Variants in RPF2 observed in about 807,000 individuals in gnomAD.
The protein encoded by RPF2 is brix domain containing 1.
In RPF2, 21 loss-of-function variants were observed where a neutral mutation model predicts 38.9. That is an observed-to-expected ratio of 0.54 (90% CI 0.38 to 0.78). RPF2 has a LOEUF of 0.78. RPF2 is among the 30% of genes least tolerant of loss of function. RPF2 has a pLI of 0.00. For missense variants in RPF2, 314 were observed against 358.1 expected, an observed-to-expected ratio of 0.88 and a Z score of 0.99; for synonymous variants, 121 against 126.2, an observed-to-expected ratio of 0.96 and a Z score of 0.28.
In RPF2 at chr6:111,027,024, C is replaced by A. The variant is rs1772343928; in HGVS notation, c.*1442C>A. The stretch of plus-strand genomic sequence containing the variant: ...TCCCGAGTAGCTGGGATTACAGGCA[C>A]CCACCACCACGCCTGGCTGATTTTT... On this transcript the variant is annotated 3_prime_UTR_variant, in exon 10 of 10. Coordinates refer to ENST00000441448, the MANE Select transcript of RPF2 (RefSeq NM_032194.3). The A allele has an allele frequency of 6.6e-6, 1 of 152,220 alleles. No individual in the cohort carries two copies. Among genetic ancestry groups the A allele is most frequent in the African/African-American group, 2.4e-5 (1 of 41,414 alleles). 9.4% of individuals were successfully genotyped at this position (152,220 alleles called of 1,614,324 possible).
At chr6:111,004,282 A>G (rs559634906) in intron 6 of RPF2, among the ~76,000 whole-genome samples, 1 of 152,058 alleles carries the variant, frequency 6.6e-6, no homozygotes, top group Non-Finnish European at 1.5e-5. Flanking sequence ...TCCTGGGTTC[A>G]CGCGATTCTC....
At chr6:111,018,081 C>T (rs943075154) in intron 8 of RPF2, among the ~76,000 whole-genome samples, 14 of 151,964 alleles carry the variant, frequency 9.2e-5, no homozygotes, top group Non-Finnish European at 1.6e-4. Flanking sequence ...GGCGTGGCGG[C>T]GCGCGCCTGC....
At position 111,001,626 on chromosome 6, in the gene RPF2, G is replaced by A. The variant is rs563498660; in HGVS notation, c.393+1839G>A. On this transcript the variant is annotated intron_variant, in intron 6 of 9. Transcript: ENST00000441448. ...TGGGCTCAGGAGATCCTCCTCCTCA[G>A]CCTCCCAAAGTGCTGGGGTACCCAG... 5.4e-4 allele frequency among the ~76,000 whole-genome samples: 82 copies of A among 152,130 alleles called. 3 individuals carry two copies. The South Asian group carries it at 0.016, about 30-fold the overall frequency.
At chr6:111,004,491 A>G (rs557995007) in intron 6 of RPF2, among the ~76,000 whole-genome samples, 2 of 150,934 alleles carry the variant, frequency 1.3e-5, no homozygotes, top group East Asian at 2.0e-4. Context: ...CGTGACTAGT[A>G]TTTTTAAAAA....
At chr6:111,024,049 T>G (rs9688686) in intron 8 of RPF2, 134 bp from the exon 9 acceptor site, 181,933 of 728,994 alleles carry the variant, frequency 0.25, 23,484 homozygotes, top group African/African-American at 0.4. Context: ...TGAATAGTAT[T>G]AAGTATTTAA....
At chr6:111,020,498 G>A (rs1308187841) in intron 8 of RPF2, among the ~76,000 whole-genome samples, 2 of 152,180 alleles carry the variant, frequency 1.3e-5, no homozygotes, top group African/African-American at 4.8e-5. Context: ...TTAGTGAAAA[G>A]GGTTTATTTG....
chr6:111,008,360 G>A (rs150274156), intron 7 of RPF2, among the ~76,000 whole-genome samples: 6 of 151,848 alleles, frequency 4.0e-5, no homozygotes, highest in South Asian at 2.1e-4. Context: ...TAGTATATGC[G>A]CTGCCGAAGC....
At chr6:111,005,910 C>T (rs1771899647) in intron 6 of RPF2, among the ~76,000 whole-genome samples, 2 of 152,168 alleles carry the variant, frequency 1.3e-5, no homozygotes, top group African/African-American at 2.4e-5. Context: ...CTCCTGGGTT[C>T]AAGCAATTTT....
intron 8 of RPF2, among the ~76,000 whole-genome samples, chr6:111,023,735 C>G (rs1772272375): frequency 6.6e-6 from 1 of 152,142 alleles, no homozygotes; most frequent in Admixed American, 6.5e-5. Context: ...TGCCTGTAAT[C>G]CCAGTACTTT....
At chr6:110,992,060 A>G (rs544068495) in intron 4 of RPF2, among the ~76,000 whole-genome samples, 1 of 152,218 alleles carries the variant, frequency 6.6e-6, no homozygotes, top group East Asian at 1.9e-4. Flanking sequence ...TAATCCTAGC[A>G]CTTTGGGAGG....
At chr6:110,984,407 T>G (rs1431971093) in intron 1 of RPF2, among the ~76,000 whole-genome samples, 1 of 152,038 alleles carries the variant, frequency 6.6e-6, no homozygotes, top group Non-Finnish European at 1.5e-5. Flanking sequence ...GAGCCTTTTA[T>G]TTTTTACTTA....
At chr6:111,008,898 C>CTTTTTTTTTTTTTTTTTTTTTTTTT (rs57167034) in intron 7 of RPF2, among the ~76,000 whole-genome samples, 9 of 120,440 alleles carry the variant, frequency 7.5e-5, no homozygotes, top group African/African-American at 2.0e-4. Context: ...TTCCTGGCTC[C>CTTTTTTTTTTTTTTTTTTTTTTTTT]TTTTTTTTTT....
At chr6:111,017,940 C>T (rs1281098461) in intron 8 of RPF2, among the ~76,000 whole-genome samples, 4 of 152,128 alleles carry the variant, frequency 2.6e-5, no homozygotes, top group South Asian at 4.2e-4. Context: ...ACTGAGTGAA[C>T]GAGACTCCGT....
chr6:110,992,403 G>A (rs1050655738), intron 4 of RPF2, among the ~76,000 whole-genome samples: 1 of 150,952 alleles, frequency 6.6e-6, no homozygotes, highest in African/African-American at 2.4e-5. Flanking sequence ...TATAAAGCAA[G>A]TTTGAGTTTT....
rs1278026658 is a variant in RPF2 at position 110,994,746 on chromosome 6, C to T, written c.235-2437C>T. 6.1e-4 allele frequency among the ~76,000 whole-genome samples: 68 copies of T among 111,196 alleles called. 1 individual carries two copies. The East Asian group carries it at 0.022, about 37-fold the overall frequency. The allele number at this position is 111,196 out of a possible 152,430, so 72.9% of individuals were successfully genotyped here. ...GGATGAGTATATATACACACACACA[C>T]ACACACACACACACACACACACACG... On this transcript the variant is annotated intron_variant, in intron 4 of 9. Coordinates refer to ENST00000441448, the MANE Select transcript of RPF2 (RefSeq NM_032194.3).
At chr6:110,985,232 C>T (rs1444276636) in intron 2 of RPF2, 94 bp downstream of exon 2, 2 of 1,102,708 alleles carry the variant, frequency 1.8e-6, no homozygotes, top group African/African-American at 3.2e-5. Flanking sequence ...CGTAGATAAG[C>T]TTGCCTTACC....
chr6:111,023,782 G>A (rs910266497), intron 8 of RPF2, among the ~76,000 whole-genome samples: 39 of 152,040 alleles, frequency 2.6e-4, no homozygotes, highest in Admixed American at 5.2e-4. Context: ...GGTCAGGAGA[G>A]CGAGACCATC....
chr6:111,004,548 G>GT (rs1771875722), intron 6 of RPF2, among the ~76,000 whole-genome samples: 3 of 146,768 alleles, frequency 2.0e-5, no homozygotes, highest in African/African-American at 7.5e-5. Flanking sequence ...TAAGTATTGG[G>GT]GTTTTTTTTT....
chr6:110,994,926 A>G (rs1023790828), intron 4 of RPF2, among the ~76,000 whole-genome samples: 1 of 152,032 alleles, frequency 6.6e-6, no homozygotes, highest in Middle Eastern at 3.2e-3. Flanking sequence ...TTTAATTGAG[A>G]CAGGGTCTCA....
Sources: gnomAD v4.1 joint callset for allele counts (sites outside exome capture counted in the v4.1 genomes callset) on GRCh38, gnomAD v4.1.1 for gene constraint, MANE v1.5 for transcripts, NCBI Gene and HGNC (gene_info 2026-07-23, HGNC 2026-07-21) for gene names.